SLC25A12: variants seen among roughly 807,000 people sequenced by gnomAD.
SLC25A12 encodes the protein electrogenic aspartate/glutamate antiporter SLC25A12, mitochondrial.
SLC25A12 carries 32 observed loss-of-function variants against 83.3 expected under a neutral mutation model. The ratio of observed to expected loss-of-function variants is 0.38; its 90% CI spans 0.29 to 0.52. SLC25A12 has a LOEUF of 0.52. SLC25A12 is among the 20% of genes least tolerant of loss of function. SLC25A12 has a pLI of 0.84. For synonymous variants in SLC25A12, 267 were observed against 291.1 expected, an observed-to-expected ratio of 0.92 and a Z score of 0.84; for missense variants, 611 against 835.6, an observed-to-expected ratio of 0.73 and a Z score of 3.31.
intron 3 of SLC25A12, among the ~76,000 whole-genome samples, chr2:171,860,650 A>G (rs1053098283): frequency 6.6e-6 from 1 of 152,116 alleles, no homozygotes; most frequent in Non-Finnish European, 1.5e-5. Flanking sequence ...AACACTAGTA[A>G]ATAATGTGCA....
At chr2:171,818,986 A>G (rs1558918191) in intron 9 of SLC25A12, among the ~76,000 whole-genome samples, 1 of 151,180 alleles carries the variant, frequency 6.6e-6, no homozygotes, top group Non-Finnish European at 1.5e-5. Context: ...TGCAAACTAC[A>G]TCTATGACTT....
At chr2:171,804,262 T>TATTC (rs961364743) in intron 13 of SLC25A12, among the ~76,000 whole-genome samples, 1 of 151,982 alleles carries the variant, frequency 6.6e-6, no homozygotes, top group Admixed American at 6.6e-5. Flanking sequence ...CTTATTTATT[T>TATTC]ATTTATTTAT....
intron 17 of SLC25A12, among the ~76,000 whole-genome samples, chr2:171,786,511 T>G (rs1690493689): frequency 6.6e-6 from 1 of 152,138 alleles, no homozygotes; most frequent in Non-Finnish European, 1.5e-5. Flanking sequence ...CTGTTCTCAC[T>G]TTTTTTGCAT....
intron 5 of SLC25A12, among the ~76,000 whole-genome samples, chr2:171,842,341 C>T (rs926827436): frequency 1.3e-5 from 2 of 151,270 alleles, no homozygotes; most frequent in Non-Finnish European, 2.9e-5. Context: ...ACCTATAATG[C>T]CAGCACTTTG....
intron 4 of SLC25A12, among the ~76,000 whole-genome samples, chr2:171,850,333 CTTTGTTTTTTTTTT>C (rs1684900220): frequency 9.7e-6 from 1 of 103,462 alleles, no homozygotes; most frequent in Non-Finnish European, 1.9e-5. Context: ...CCAGGCTGGT[CTTTGTTTTTTTTTT>C]TTTTTTTTTT....
intron 14 of SLC25A12, among the ~76,000 whole-genome samples, chr2:171,792,182 G>A (rs535361408): frequency 1.5e-3 from 223 of 152,048 alleles, no homozygotes; most frequent in African/African-American, 5.3e-3. Context: ...AGGTCTCAAA[G>A]AACACCTCCC....
chr2:171,865,525 G>A (rs1685270507), intron 3 of SLC25A12, among the ~76,000 whole-genome samples: 1 of 151,974 alleles, frequency 6.6e-6, no homozygotes. Context: ...GCCAGGTGTG[G>A]TGGCACATAT....
chr2:171,832,107 C>A (rs1684444021), intron 8 of SLC25A12, among the ~76,000 whole-genome samples: 1 of 152,142 alleles, frequency 6.6e-6, no homozygotes, highest in Non-Finnish European at 1.5e-5. Context: ...TTCAAGGAAA[C>A]CATTCCTAGT....
chr2:171,883,594 A>G (rs1403720793), intron 2 of SLC25A12, among the ~76,000 whole-genome samples: 1 of 147,466 alleles, frequency 6.8e-6, no homozygotes. Context: ...TTAATTACCA[A>G]TGCTTCAGGC....
Position 171,867,312 on chromosome 2 carries a change from G to A in SLC25A12, c.209+1369C>T, listed in dbSNP as rs546912302. On this transcript the variant is annotated intron_variant, in intron 3 of 17. Transcript: ENST00000422440. ...GGAGGTGGAGGTTGTAGCGAGCCGA[G>A]ATCACACCACTGCACTCCAGCCTGG... Among the ~76,000 whole-genome samples, 105 of 150,692 alleles carry A rather than the reference G, an allele frequency of 7.0e-4. 1 individual carries two copies. The South Asian group carries it at 0.014, about 20-fold the overall frequency.
rs757596167 is a variant in SLC25A12, at chr2:171,791,468, G to A, written c.1568C>T (p.Ala523Val). The A allele has an allele frequency of 6.2e-7, 1 of 1,614,056 alleles. No individual in the cohort carries two copies. The highest frequency in any genetic ancestry group is 8.5e-7 in the Non-Finnish European group (1 of 1,179,930). The change falls in exon 15 of 18, where the codon GCA becomes GTA. Residue 523 changes from alanine (A) to valine (V), a missense_variant. By Grantham distance (64) the Ala-to-Val change is moderately conservative. This residue lies in a region of SLC25A12 where 540 missense variants were observed against 777.5 expected (regional missense o/e 0.69). Coordinates refer to ENST00000422440, the MANE Select transcript of SLC25A12 (RefSeq NM_003705.5). ...GTAGTTACCTGCCATGGCTCCAGCT[G>A]CAAGAAGATTTAAACCTCCCACGTG... ...NGHVGGLNLL[A>V]AGAMAGVPAA... is the part of the protein sequence containing the mutation.
chr2:171,862,454 G>A (rs900524891), intron 3 of SLC25A12, among the ~76,000 whole-genome samples: 1 of 152,136 alleles, frequency 6.6e-6, no homozygotes, highest in African/African-American at 2.4e-5. Context: ...AATATATAAT[G>A]CTGTTTTGTA....
At chr2:171,872,406 G>A (rs1043066116) in intron 2 of SLC25A12, among the ~76,000 whole-genome samples, 2 of 152,078 alleles carry the variant, frequency 1.3e-5, no homozygotes, top group African/African-American at 4.8e-5. Flanking sequence ...ATATGTACGA[G>A]ATAATTGGAC....
At chr2:171,816,709 G>T (rs112974814) in intron 9 of SLC25A12, among the ~76,000 whole-genome samples, 25 of 152,226 alleles carry the variant, frequency 1.6e-4, no homozygotes, top group African/African-American at 5.3e-4. Context: ...AACTGAATAT[G>T]CTTCAATGAG....
chr2:171,791,724 C>G (rs2105837812), intron 14 of SLC25A12, 135 bp from the exon 15 acceptor site: 1 of 805,996 alleles, frequency 1.2e-6, no homozygotes, highest in Admixed American at 1.9e-5. Context: ...CCTTAAACAG[C>G]ATTAGAACTG....
intron 8 of SLC25A12, among the ~76,000 whole-genome samples, chr2:171,829,019 A>G (rs1017706744): frequency 4.6e-5 from 7 of 152,228 alleles, no homozygotes; most frequent in Non-Finnish European, 8.8e-5. Flanking sequence ...TGAGTCACCA[A>G]ATAAGCTAGG....
chr2:171,805,845 T>C (rs1683813092), intron 13 of SLC25A12, among the ~76,000 whole-genome samples: 1 of 152,224 alleles, frequency 6.6e-6, no homozygotes, highest in South Asian at 2.1e-4. Context: ...GCCTGGTGAC[T>C]CACACCTGTA....
At chr2:171,824,837 C>T (rs974096875) in intron 9 of SLC25A12, among the ~76,000 whole-genome samples, 7 of 151,838 alleles carry the variant, frequency 4.6e-5, no homozygotes, top group Non-Finnish European at 7.4e-5. Flanking sequence ...CAGAGTCTCA[C>T]TCTGTTGCCC....
intron 1 of SLC25A12, among the ~76,000 whole-genome samples, 175 bp downstream of exon 1, chr2:171,894,028 G>A (rs903223586): frequency 1.3e-5 from 2 of 151,958 alleles, no homozygotes; most frequent in Admixed American, 1.3e-4. Context: ...CCCCAGCCGG[G>A]CATCCCCTCC....
Sources: gnomAD v4.1 joint callset for allele counts (sites outside exome capture counted in the v4.1 genomes callset) on GRCh38, gnomAD v4.1.1 for gene constraint, gnomAD v4.1.1 regional missense constraint, MANE v1.5 for transcripts, NCBI Gene and HGNC (gene_info 2026-07-23, HGNC 2026-07-21) for gene names.